ERBB4: variants seen among roughly 807,000 people sequenced by gnomAD.
ERBB4 encodes the protein receptor tyrosine-protein kinase erbB-4.
ERBB4 carries 42 observed loss-of-function variants against 158.0 expected under a neutral mutation model. The ratio of observed to expected loss-of-function variants is 0.27; its 90% CI spans 0.21 to 0.34. The LOEUF is 0.34. Among genes scored for constraint, ERBB4 ranks in the 10% least tolerant of loss-of-function variants. The probability of loss-of-function intolerance (pLI) is 1.00; values close to 1 mark genes in which losing one functional copy is unlikely to be tolerated. For missense variants in ERBB4, 1,333 were observed against 1,624.1 expected, an observed-to-expected ratio of 0.82 and a Z score of 3.08; for synonymous variants, 583 against 558.7, an observed-to-expected ratio of 1.04 and a Z score of -0.61.
At chr2:212,400,396 C>G (rs2091166465) in intron 1 of ERBB4, among the ~76,000 whole-genome samples, 1 of 152,042 alleles carries the variant, frequency 6.6e-6, no homozygotes. Context: ...CTGACCATGA[C>G]AGTGAAAGAC....
At chr2:212,169,406 G>A (rs1455831066) in intron 1 of ERBB4, among the ~76,000 whole-genome samples, 24 of 152,044 alleles carry the variant, frequency 1.6e-4, no homozygotes, top group Non-Finnish European at 2.9e-5. Flanking sequence ...AACAAGCAAT[G>A]GGGGAAGGAT....
chr2:212,247,627 GT>G (rs2084360152), intron 1 of ERBB4, among the ~76,000 whole-genome samples: 2 of 152,244 alleles, frequency 1.3e-5, no homozygotes, highest in East Asian at 3.9e-4. Context: ...CAAAAAACTA[GT>G]TTGTTTTCTC....
At chr2:211,619,811 T>C (rs1408226926) in intron 18 of ERBB4, among the ~76,000 whole-genome samples, 1 of 152,162 alleles carries the variant, frequency 6.6e-6, no homozygotes, top group Non-Finnish European at 1.5e-5. Context: ...AGAATGAATA[T>C]TTAAGATTTA....
At chr2:211,598,409 T>TG (rs1274282344) in intron 19 of ERBB4, among the ~76,000 whole-genome samples, 2 of 152,166 alleles carry the variant, frequency 1.3e-5, no homozygotes, top group African/African-American at 2.4e-5. Flanking sequence ...GCAGATAACT[T>TG]GGGTGACTCA....
chr2:212,318,536 A>C (rs1244681051), intron 1 of ERBB4, among the ~76,000 whole-genome samples: 1 of 18,976 alleles, frequency 5.3e-5, no homozygotes, highest in Non-Finnish European at 6.6e-4. Context: ...GAAAAAGACA[A>C]AAAAAAATCA....
At chr2:211,440,358 G>C (rs970187370) in intron 20 of ERBB4, among the ~76,000 whole-genome samples, 1 of 147,784 alleles carries the variant, frequency 6.8e-6, no homozygotes, top group African/African-American at 2.7e-5. Context: ...GTTATCCTCT[G>C]TGTCTCTTTA....
intron 1 of ERBB4, among the ~76,000 whole-genome samples, chr2:212,463,440 T>A (rs1350228471): frequency 6.6e-6 from 1 of 152,066 alleles, no homozygotes; most frequent in East Asian, 1.9e-4. Flanking sequence ...TTAAGATATA[T>A]CTATCTACCA....
intron 15 of ERBB4, among the ~76,000 whole-genome samples, chr2:211,661,830 G>A (rs980228292): frequency 2.6e-5 from 4 of 151,118 alleles, no homozygotes; most frequent in Admixed American, 2.0e-4. Flanking sequence ...ACGAGGTCAG[G>A]AGATCGAGAC....
At chr2:211,578,379 C>G (rs2067957392) in intron 19 of ERBB4, among the ~76,000 whole-genome samples, 1 of 152,090 alleles carries the variant, frequency 6.6e-6, no homozygotes, top group African/African-American at 2.4e-5. Context: ...CCATACTACC[C>G]AATGTAATTT....
chr2:212,133,993 CACA>C (rs2080190174), intron 1 of ERBB4, among the ~76,000 whole-genome samples: 1 of 152,164 alleles, frequency 6.6e-6, no homozygotes, highest in South Asian at 2.1e-4. Flanking sequence ...CTGTTATGAG[CACA>C]ACATTTCTAG....
chr2:212,389,042 G>T (rs1257033233), intron 1 of ERBB4, among the ~76,000 whole-genome samples: 1 of 152,082 alleles, frequency 6.6e-6, no homozygotes, highest in Admixed American at 6.6e-5. Context: ...GTGAAAAAGT[G>T]TATAGACTAC....
At chr2:212,361,181 T>A (rs1320549418) in intron 1 of ERBB4, among the ~76,000 whole-genome samples, 1 of 151,706 alleles carries the variant, frequency 6.6e-6, no homozygotes, top group Admixed American at 6.6e-5. Flanking sequence ...TTTTGTGTAA[T>A]AACATTTCCA....
At chr2:212,365,405 A>G (rs2089850954) in intron 1 of ERBB4, among the ~76,000 whole-genome samples, 1 of 151,782 alleles carries the variant, frequency 6.6e-6, no homozygotes. Context: ...AAGTAAAGAA[A>G]ATTATAACAA....
chr2:211,676,021 C>T (rs6705698), intron 13 of ERBB4, among the ~76,000 whole-genome samples: 87,740 of 151,704 alleles, frequency 0.58, 26,516 homozygotes, highest in African/African-American at 0.72. Flanking sequence ...GTTAACACCA[C>T]TATTATTCCC....
chr2:212,197,624 T>A (rs551897241), intron 1 of ERBB4, among the ~76,000 whole-genome samples: 1 of 152,210 alleles, frequency 6.6e-6, no homozygotes, highest in South Asian at 2.1e-4. Flanking sequence ...CCATAATAGG[T>A]TTGATAGTGT....
intron 1 of ERBB4, among the ~76,000 whole-genome samples, chr2:212,468,377 C>A (rs548891034): frequency 2.0e-5 from 3 of 151,988 alleles, no homozygotes; most frequent in Non-Finnish European, 2.9e-5. Flanking sequence ...GGGAGGGACC[C>A]GGTGGAAGAT....
At chr2:211,401,856 A>T (rs2063049904) in intron 25 of ERBB4, among the ~76,000 whole-genome samples, 1 of 151,882 alleles carries the variant, frequency 6.6e-6, no homozygotes, top group Non-Finnish European at 1.5e-5. Context: ...CTACCAATAA[A>T]TAGCAAACAA....
intron 1 of ERBB4, among the ~76,000 whole-genome samples, chr2:212,482,470 T>C (rs1312462913): frequency 1.3e-5 from 2 of 152,232 alleles, no homozygotes; most frequent in South Asian, 2.1e-4. Flanking sequence ...CATCCTGAGA[T>C]GAATTTTATT....
At chr2:212,013,470 A>C (rs375404230) in intron 2 of ERBB4, among the ~76,000 whole-genome samples, 16 of 152,338 alleles carry the variant, frequency 1.1e-4, no homozygotes, top group East Asian at 9.6e-4. Flanking sequence ...GTTCATGCCC[A>C]CAGGAAACTA....
Sources: gnomAD v4.1 joint callset for allele counts (sites outside exome capture counted in the v4.1 genomes callset) on GRCh38, gnomAD v4.1.1 for gene constraint, MANE v1.5 for transcripts, NCBI Gene and HGNC (gene_info 2026-07-23, HGNC 2026-07-21) for gene names.